The following NRXN1 variants were observed in gnomAD, a reference collection of about 807,000 sequenced individuals.
NRXN1 encodes the protein neurexin-1.
A neutral mutation model predicts 150.9 loss-of-function variants in NRXN1; 39 were observed. The observed-to-expected ratio is 0.26, with a 90% confidence interval of 0.20 to 0.34. NRXN1 has a LOEUF of 0.34. Ranked by LOEUF, NRXN1 falls within the 10% of genes least tolerant of loss-of-function variation. The probability of loss-of-function intolerance (pLI) is 1.00; values close to 1 mark genes in which losing one functional copy is unlikely to be tolerated. For synonymous variants in NRXN1, 924 were observed against 757.0 expected (o/e 1.22, Z -3.62); for missense variants, 1,815 against 1,949.9 (o/e 0.93, Z 1.30).
chr2:50,528,065 T>C (rs923916239), intron 12 of NRXN1, among the ~76,000 whole-genome samples: 3 of 152,176 alleles, frequency 2.0e-5, no homozygotes, highest in Non-Finnish European at 2.9e-5. Context: ...TTTGCATGCA[T>C]GTCACAGATT....
intron 5 of NRXN1, among the ~76,000 whole-genome samples, chr2:50,626,440 G>T (rs1243366760): frequency 6.6e-6 from 1 of 151,752 alleles, no homozygotes; most frequent in African/African-American, 2.4e-5. Context: ...AAAATGAGGA[G>T]AATAACGATA....
chr2:50,506,308 A>AT (rs1202957895), intron 13 of NRXN1, among the ~76,000 whole-genome samples, 187 bp downstream of exon 13: 2 of 152,142 alleles, frequency 1.3e-5, no homozygotes, highest in Non-Finnish European at 2.9e-5. Flanking sequence ...AAAATGTGTC[A>AT]TTTTTGAGGA....
intron 21 of NRXN1, among the ~76,000 whole-genome samples, chr2:50,012,525 G>C (rs547730077): frequency 5.3e-5 from 8 of 152,216 alleles, no homozygotes; most frequent in African/African-American, 1.9e-4. Flanking sequence ...AGCTTGAATA[G>C]ATATAGCATT....
In NRXN1 at chr2:50,053,388, C is replaced by T; in HGVS notation, c.4011G>A (p.Glu1337=). ...CTGATTGCATGGCAGTGGCTGTTGA[C>T]TCAGTTGTCATAGAGGAAGGCACTT... is the stretch of plus-strand genomic sequence containing the variant. ...VGEVPSSMTT[E]STATAMQSEM... Residue 1337 remains glutamate, a synonymous_variant, in exon 21 of 23, where the codon GAG becomes GAA. Transcript: ENST00000401669. 1 of 1,613,928 alleles carries T rather than the reference C, an allele frequency of 6.2e-7. No homozygotes were observed. Among genetic ancestry groups the T allele is most frequent in the East Asian group, 2.2e-5 (1 of 44,866 alleles).
intron 17 of NRXN1, among the ~76,000 whole-genome samples, chr2:50,365,119 C>A (rs939901910): frequency 6.6e-6 from 1 of 150,854 alleles, no homozygotes; most frequent in Non-Finnish European, 1.5e-5. Flanking sequence ...CTTTTTTTTT[C>A]TTTTTTTCAG....
At chr2:50,264,026 G>A (rs1033509318) in intron 17 of NRXN1, among the ~76,000 whole-genome samples, 4 of 152,098 alleles carry the variant, frequency 2.6e-5, no homozygotes, top group African/African-American at 9.7e-5. Flanking sequence ...AGTCTGTTGA[G>A]TGAAGCTTTC....
At chr2:50,794,090 C>A (rs964978542) in intron 5 of NRXN1, among the ~76,000 whole-genome samples, 1 of 151,970 alleles carries the variant, frequency 6.6e-6, no homozygotes, top group South Asian at 2.1e-4. Context: ...AATTAACTAG[C>A]CCAGAATGCC....
chr2:50,425,800 G>A (rs2084430869), intron 17 of NRXN1, among the ~76,000 whole-genome samples: 2 of 152,048 alleles, frequency 1.3e-5, no homozygotes, highest in Non-Finnish European at 2.9e-5. Flanking sequence ...GGTTACCCCC[G>A]ACAGGGCCCC....
intron 5 of NRXN1, among the ~76,000 whole-genome samples, chr2:50,657,959 C>T (rs961233907): frequency 1.3e-5 from 2 of 151,952 alleles, no homozygotes; most frequent in African/African-American, 4.8e-5. Flanking sequence ...TCTCCCAGAA[C>T]AATAAATTAG....
At chr2:50,243,853 T>G (rs555885110) in intron 17 of NRXN1, among the ~76,000 whole-genome samples, 3 of 151,720 alleles carry the variant, frequency 2.0e-5, no homozygotes, top group African/African-American at 7.2e-5. Context: ...AAGATACCAT[T>G]TAAAAAAAAA....
chr2:50,300,551 G>C (rs770871778), intron 17 of NRXN1, among the ~76,000 whole-genome samples: 4 of 152,168 alleles, frequency 2.6e-5, no homozygotes, highest in Non-Finnish European at 5.9e-5. Flanking sequence ...ACAATATAAA[G>C]AAGGAATTTT....
At chr2:50,897,791 T>C (rs984150018) in intron 5 of NRXN1, among the ~76,000 whole-genome samples, 2 of 152,184 alleles carry the variant, frequency 1.3e-5, no homozygotes, top group African/African-American at 4.8e-5. Flanking sequence ...TAAAGAATCT[T>C]CACAATCTTT....
intron 18 of NRXN1, among the ~76,000 whole-genome samples, chr2:50,168,616 T>C (rs192221798): frequency 6.6e-6 from 1 of 152,306 alleles, no homozygotes; most frequent in Non-Finnish European, 1.5e-5. Context: ...GTTGCCAGAA[T>C]CTTCTGATTC....
rs1418039108 is a variant in NRXN1, at chr2:51,008,304, T to C, written c.772+19198A>G. 4.6e-5 allele frequency among the ~76,000 whole-genome samples: 7 copies of C among 152,096 alleles called. No individual in the cohort carries two copies. In the East Asian group the frequency reaches 1.4e-3, roughly 30 times the overall value. On this transcript the variant is annotated intron_variant, in intron 2 of 22. Transcript: ENST00000401669. Reference sequence around the variant, plus strand: ...GTTTACTTTTGATCCTTTGTGTATATGACTCCATAGAACCTGCCTGAGCTA... The same window carrying C: ...GTTTACTTTTGATCCTTTGTGTATACGACTCCATAGAACCTGCCTGAGCTA...
At chr2:50,327,737 C>T (rs1210439184) in intron 17 of NRXN1, among the ~76,000 whole-genome samples, 2 of 151,906 alleles carry the variant, frequency 1.3e-5, no homozygotes, top group African/African-American at 2.4e-5. Flanking sequence ...GCAACCTCTG[C>T]CTCCCACGTT....
At chr2:50,809,969 A>T (rs1668001109) in intron 5 of NRXN1, among the ~76,000 whole-genome samples, 2 of 152,176 alleles carry the variant, frequency 1.3e-5, no homozygotes, top group Admixed American at 1.3e-4. Flanking sequence ...CAGCTCTGCC[A>T]ATTCAATTTC....
intron 5 of NRXN1, among the ~76,000 whole-genome samples, chr2:50,895,476 G>C (rs374192696): frequency 4.2e-4 from 64 of 151,974 alleles, no homozygotes; most frequent in African/African-American, 1.4e-3. Flanking sequence ...AGGTGGTCTA[G>C]TTAACTATAT....
At position 50,339,051 on chromosome 2, in the gene NRXN1, A is replaced by G. The variant is rs115841080; in HGVS notation, c.3365-102081T>C. 3.4e-3 allele frequency among the ~76,000 whole-genome samples: 524 copies of G among 152,314 alleles called. 2 individuals carry two copies. Among genetic ancestry groups the G allele is most frequent in the African/African-American group, 0.012 (497 of 41,582 alleles). ...GTAACTAATTGCCAAGACAGACTAA[A>G]CCACATAAATAATTACATGTACCAT... On this transcript the variant is annotated intron_variant, in intron 17 of 22. Coordinates refer to ENST00000401669, the MANE Select transcript of NRXN1 (RefSeq NM_001330078.2).
At chr2:50,162,249 ACAT>A (rs2059408415) in intron 18 of NRXN1, among the ~76,000 whole-genome samples, 1 of 152,104 alleles carries the variant, frequency 6.6e-6, no homozygotes, top group South Asian at 2.1e-4. Flanking sequence ...TAAGGAAAAA[ACAT>A]CATTACTGGC....
Sources: gnomAD v4.1 joint callset for allele counts (sites outside exome capture counted in the v4.1 genomes callset) on GRCh38, gnomAD v4.1.1 for gene constraint, MANE v1.5 for transcripts, NCBI Gene and HGNC (gene_info 2026-07-23, HGNC 2026-07-21) for gene names.